NADK2: variants seen among roughly 807,000 people sequenced by gnomAD.
NADK2 encodes NAD kinase 2, mitochondrial, also known as NAD kinase domain-containing protein 1, mitochondrial.
In NADK2, 35 loss-of-function variants were observed where a neutral mutation model predicts 62.1. The ratio of observed to expected loss-of-function variants is 0.56; its 90% CI spans 0.43 to 0.75. The LOEUF (loss-of-function observed/expected upper bound fraction) is 0.75. Ranked by LOEUF, NADK2 falls within the 30% of genes least tolerant of loss-of-function variation. The probability of loss-of-function intolerance (pLI) is 0.00; values close to 1 mark genes in which losing one functional copy is unlikely to be tolerated. For missense variants in NADK2, 439 were observed against 561.3 expected, an observed-to-expected ratio of 0.78 and a Z score of 2.20; for synonymous variants, 205 against 207.9, an observed-to-expected ratio of 0.99 and a Z score of 0.12.
chr5:36,196,530 C>A (rs1746239508), intron 11 of NADK2, among the ~76,000 whole-genome samples: 1 of 152,050 alleles, frequency 6.6e-6, no homozygotes, highest in African/African-American at 2.4e-5. Flanking sequence ...TGGCTATGAG[C>A]CCATTGCTGG....
intron 11 of NADK2, among the ~76,000 whole-genome samples, chr5:36,197,124 T>C (rs963017838): frequency 1.3e-5 from 2 of 152,058 alleles, no homozygotes; most frequent in Non-Finnish European, 2.9e-5. Flanking sequence ...AGGGAAAACC[T>C]AGAAGAAATG....
chr5:36,197,183 T>C (rs970645800), intron 11 of NADK2, among the ~76,000 whole-genome samples: 5 of 151,982 alleles, frequency 3.3e-5, no homozygotes, highest in Admixed American at 2.6e-4. Context: ...TTTCTATCAG[T>C]GTTTATTGTG....
At position 36,241,678 on chromosome 5, in the gene NADK2, C is replaced by A; in HGVS notation, c.121G>T (p.Gly41Cys). The A allele has an allele frequency of 8.4e-7, 1 of 1,186,040 alleles. No homozygotes were observed. The highest frequency in any genetic ancestry group is 1.0e-6 in the Non-Finnish European group (1 of 961,034). The allele number at this position is 1,186,040 out of a possible 1,614,324, so 73.5% of individuals were successfully genotyped here. A position where few individuals can be genotyped will look rare whatever the true frequency, so the allele number is the denominator to read the frequency against. The change falls in exon 1 of 12, where the codon GGT becomes TGT. Residue 41 changes from glycine to cysteine, a missense_variant. Gly to Cys is a radical substitution (Grantham distance 159). Coordinates refer to ENST00000381937, the MANE Select transcript of NADK2 (RefSeq NM_001085411.3). This position sits in a 1 kb window ranked among gnomAD's most constrained non-coding sequence, Gnocchi z 4.9. ...TGCCCCAGGTGCCGCCGGCCGCCAC[C>A]GTCACCGCCCAGCCGGGGCCGCGCG... is the stretch of plus-strand genomic sequence containing the variant. ...PAARPRLGGDGGGRRHLGQGQ... is the reference protein window; with the variant it reads ...PAARPRLGGDCGGRRHLGQGQ...
At chr5:36,217,348 G>A (rs1747081834) in intron 6 of NADK2, among the ~76,000 whole-genome samples, 1 of 151,970 alleles carries the variant, frequency 6.6e-6, no homozygotes, top group East Asian at 1.9e-4. Flanking sequence ...AGGCTGGAAT[G>A]CAAAATTTCC....
chr5:36,228,202 G>A (rs977195728), intron 1 of NADK2, among the ~76,000 whole-genome samples: 6 of 152,110 alleles, frequency 3.9e-5, no homozygotes. Flanking sequence ...CCTAGTTGGA[G>A]TAACATTTTA....
At chr5:36,215,130 T>C (rs1305497843) in intron 6 of NADK2, among the ~76,000 whole-genome samples, 2 of 152,106 alleles carry the variant, frequency 1.3e-5, no homozygotes, top group Non-Finnish European at 2.9e-5. Context: ...GATAAGTGTA[T>C]ATGAAATAAT....
At chr5:36,216,675 T>C (rs1747056947) in intron 6 of NADK2, among the ~76,000 whole-genome samples, 1 of 152,148 alleles carries the variant, frequency 6.6e-6, no homozygotes, top group South Asian at 2.1e-4. Context: ...TAACTTCATT[T>C]ATAAACTAAA....
intron 6 of NADK2, chr5:36,213,295 A>G (rs1035350293): frequency 6.6e-6 from 1 of 152,190 alleles, no homozygotes; most frequent in African/African-American, 2.4e-5. Context: ...TTATACAACA[A>G]TAGTTACCTA....
chr5:36,228,288 GT>G (rs1186405008), intron 1 of NADK2, among the ~76,000 whole-genome samples: 1 of 152,080 alleles, frequency 6.6e-6, no homozygotes, highest in African/African-American at 2.4e-5. Flanking sequence ...AGAGAAAAAA[GT>G]TCAGAAATAT....
In NADK2 at chr5:36,241,262, T is replaced by A. The variant is rs1748104933; in HGVS notation, c.300+237A>T. On this transcript the variant is annotated intron_variant, in intron 1 of 11. Coordinates refer to ENST00000381937, the MANE Select transcript of NADK2 (RefSeq NM_001085411.3). This position sits in a 1 kb window ranked among gnomAD's most constrained non-coding sequence, Gnocchi z 4.9. ...CGCCCCTGCCTCCTAAGTCCCTGCATGAACCACTGTCCCTCTCTCTCCCCC... is the reference window on the plus strand; with the variant it reads ...CGCCCCTGCCTCCTAAGTCCCTGCAAGAACCACTGTCCCTCTCTCTCCCCC... 1 of 728,784 alleles carries A rather than the reference T, an allele frequency of 1.4e-6. No homozygotes were observed. The highest frequency in any genetic ancestry group is 4.6e-5 in the Admixed American group (1 of 21,924). The allele number at this position is 728,784 out of a possible 1,614,324, so 45.1% of individuals were successfully genotyped here. A position where few individuals can be genotyped will look rare whatever the true frequency, so the allele number is the denominator to read the frequency against.
At chr5:36,237,147 T>G (rs2112205884) in intron 1 of NADK2, among the ~76,000 whole-genome samples, 1 of 152,344 alleles carries the variant, frequency 6.6e-6, no homozygotes, top group African/African-American at 2.4e-5. Context: ...ACAAGGCTTT[T>G]GACTCAACAA....
At chr5:36,238,970 T>A (rs2112212023) in intron 1 of NADK2, among the ~76,000 whole-genome samples, 1 of 152,302 alleles carries the variant, frequency 6.6e-6, no homozygotes, top group East Asian at 1.9e-4. Context: ...CTTCAGGGTA[T>A]AAAATTATAC....
At chr5:36,208,573 T>C (rs1016665133) in intron 7 of NADK2, 18 of 1,272,646 alleles carry the variant, frequency 1.4e-5, no homozygotes, top group Admixed American at 9.0e-5. Context: ...AGTCAGTTCA[T>C]AGAATTTTTG....
In NADK2 at chr5:36,217,734, C is replaced by T. The variant is rs1747098614; in HGVS notation, c.781+14G>A. On this transcript the variant is annotated intron_variant, in intron 6 of 11. Coordinates refer to ENST00000381937, the MANE Select transcript of NADK2 (RefSeq NM_001085411.3). ...AATATTTCCCCAAACACATCTGATG[C>T]CCAATCCACCTACTTTCATCATGAG... 1.9e-6 allele frequency: 3 copies of T among 1,613,304 alleles called. No homozygotes were observed. The highest frequency in any genetic ancestry group is 2.5e-6 in the Non-Finnish European group (3 of 1,179,644).
Position 36,205,605 on chromosome 5 carries a change from A to G in NADK2, c.956+1565T>C, listed in dbSNP as rs1746604923. On this transcript the variant is annotated intron_variant, in intron 8 of 11. Coordinates refer to ENST00000381937, the MANE Select transcript of NADK2 (RefSeq NM_001085411.3). The surrounding 1 kb of genome is among the most constrained non-coding windows in gnomAD (Gnocchi z 4.1). ...ATGAAAGTTATAAGGCAGAGAAGAG[A>G]GACAGATTTATCTACATTTTAGAAA... is the stretch of plus-strand genomic sequence containing the variant. Among the ~76,000 whole-genome samples the G allele has an allele frequency of 1.3e-5, 2 of 152,226 alleles. No homozygotes were observed. Among genetic ancestry groups the G allele is most frequent in the East Asian group, 1.9e-4 (1 of 5,178 alleles).
intron 6 of NADK2, among the ~76,000 whole-genome samples, chr5:36,213,618 C>CATATATATATATATATATATAT (rs58371779): frequency 0.073 from 7,810 of 107,130 alleles, 597 homozygotes; most frequent in Non-Finnish European, 0.091. Context: ...TATATGCATG[C>CATATATATATATATATATATAT]ATATATATAT....
rs150479318 is a variant in NADK2, at chr5:36,192,890, G to C, written c.*2254C>G. 6.6e-6 allele frequency: 1 copy of C among 152,322 alleles called. No individual in the cohort carries two copies. The highest frequency in any genetic ancestry group is 1.5e-5 in the Non-Finnish European group (1 of 68,026). The allele number at this position is 152,322 out of a possible 1,614,324, so 9.4% of individuals were successfully genotyped here. ...GAAATGTTAAAAAGAAGAGGTAACA[G>C]TGGAGTAATTTTATTCACATAGGGT... On this transcript the variant is annotated 3_prime_UTR_variant, in exon 12 of 12. Coordinates refer to ENST00000381937, the MANE Select transcript of NADK2 (RefSeq NM_001085411.3).
intron 11 of NADK2, 120 bp downstream of exon 11, chr5:36,197,421 T>C: frequency 7.6e-7 from 1 of 1,311,344 alleles, no homozygotes; most frequent in Non-Finnish European, 1.1e-6. Flanking sequence ...GGTTCTACTT[T>C]TCCTGCTAGA....
At position 36,195,195 on chromosome 5, in the gene NADK2, C is replaced by T. The variant is rs751360644; in HGVS notation, c.1278G>A (p.Ser426=). Residue 426 remains serine, a synonymous_variant, in exon 12 of 12, where the codon TCG becomes TCA. Transcript: ENST00000381937. ...SFEFNDGAIA[S]MMINKEDELR... ...GCTCATCTTCTTTATTGATCATCAT[C>T]GAAGCAATTGCACCATCATTAAACT... 8.7e-6 allele frequency: 14 copies of T among 1,613,314 alleles called. No homozygotes were observed. The highest frequency in any genetic ancestry group is 1.2e-5 in the Non-Finnish European group (14 of 1,179,680).
Sources: gnomAD v4.1 joint callset for allele counts (sites outside exome capture counted in the v4.1 genomes callset) on GRCh38, gnomAD v4.1.1 for gene constraint, Gnocchi (gnomAD v3.1) non-coding constraint, MANE v1.5 for transcripts, NCBI Gene and HGNC (gene_info 2026-07-23, HGNC 2026-07-21) for gene names.